FBXL20: variants seen among roughly 807,000 people sequenced by gnomAD.
FBXL20 encodes the protein F-box/LRR-repeat protein 20.
Under a neutral mutation model 64.0 loss-of-function variants are expected in FBXL20, and 11 were observed. The observed-to-expected ratio is 0.17, with a 90% confidence interval of 0.11 to 0.28. FBXL20 has a LOEUF of 0.28. FBXL20 is among the 10% of genes least tolerant of loss of function. FBXL20 has a pLI of 1.00. For synonymous variants in FBXL20, 184 were observed against 189.0 expected (o/e 0.97, Z 0.22); for missense variants, 303 against 526.2 (o/e 0.58, Z 4.15).
intron 2 of FBXL20, among the ~76,000 whole-genome samples, chr17:39,311,371 T>C (rs1451458536): frequency 1.3e-5 from 2 of 152,208 alleles, no homozygotes; most frequent in African/African-American, 4.8e-5. Flanking sequence ...GATTTTTTCT[T>C]ATTTTTCATC....
chr17:39,259,375 A>C lies in FBXL20; in HGVS notation c.*2085T>G, dbSNP rs953671505. 2 of 152,200 alleles carry C rather than the reference A, an allele frequency of 1.3e-5. No individual in the cohort carries two copies. Among genetic ancestry groups the C allele is most frequent in the Non-Finnish European group, 2.9e-5 (2 of 68,040 alleles). 9.4% of individuals were successfully genotyped at this position (152,200 alleles called of 1,614,324 possible). A position where few individuals can be genotyped will look rare whatever the true frequency, so the allele number is the denominator to read the frequency against. The stretch of plus-strand genomic sequence containing the variant: ...CTGGATCATATAGAAGATTAATATT[A>C]TGATGGATTGCACATTAATGTCTCA... On this transcript the variant is annotated 3_prime_UTR_variant, in exon 15 of 15. Transcript: ENST00000264658.
chr17:39,300,851 G>C (rs1322794182), intron 4 of FBXL20, 150 bp downstream of exon 4: 1 of 634,780 alleles, frequency 1.6e-6, no homozygotes. Context: ...AGAAACCCTT[G>C]GTAACTTTGG....
At chr17:39,373,384 C>T (rs1441466458) in intron 1 of FBXL20, among the ~76,000 whole-genome samples, 1 of 152,184 alleles carries the variant, frequency 6.6e-6, no homozygotes, top group Non-Finnish European at 1.5e-5. Flanking sequence ...CTCTCTCCTG[C>T]GTTGAAAAGC....
chr17:39,343,261 G>C lies in FBXL20; in HGVS notation c.43-20C>G, dbSNP rs201061691. On this transcript the variant is annotated intron_variant, in intron 1 of 14. Coordinates refer to ENST00000264658, the MANE Select transcript of FBXL20 (RefSeq NM_032875.3). ...GAACATCTGCAAAAACAAAATCATA[G>C]TGTCAAGTGTTACTTAACATTTTAT... is the stretch of plus-strand genomic sequence containing the variant. 1.3e-5 allele frequency: 20 copies of C among 1,553,962 alleles called. No homozygotes were observed. In the Middle Eastern group the frequency reaches 5.1e-4, roughly 40 times the overall value.
Position 39,372,391 on chromosome 17 carries a change from C to T in FBXL20, c.42+28970G>A, listed in dbSNP as rs552480714. ...GAAATTAGCTGGGCATGGTGACGTG[C>T]GCCTGTAGTCCCAGCTACTTGGGAG... On this transcript the variant is annotated intron_variant, in intron 1 of 14. Coordinates refer to ENST00000264658, the MANE Select transcript of FBXL20 (RefSeq NM_032875.3). Among the ~76,000 whole-genome samples, 7 of 150,878 alleles carry T rather than the reference C, an allele frequency of 4.6e-5. No individual in the cohort carries two copies. The East Asian group carries it at 1.2e-3, about 26-fold the overall frequency.
In FBXL20 at chr17:39,277,171, T is replaced by TA. The variant is rs577617584; in HGVS notation, c.697-2072dup. Among the ~76,000 whole-genome samples the TA allele has an allele frequency of 4.0e-4, 61 of 152,186 alleles. 1 individual carries two copies. In the South Asian group the frequency reaches 0.012, roughly 30 times the overall value. On this transcript the variant is annotated intron_variant, in intron 9 of 14. Transcript: ENST00000264658. ...TCATGTAGCTGACACAAATATAGAT[T>TA]AAAAAAATTGGATGCTAAGGCAGAT...
intron 1 of FBXL20, among the ~76,000 whole-genome samples, chr17:39,364,360 C>T (rs1270954959): frequency 6.6e-6 from 1 of 152,134 alleles, no homozygotes; most frequent in Non-Finnish European, 1.5e-5. Context: ...CGCCTGTAAT[C>T]CCAACAATCT....
intron 2 of FBXL20, among the ~76,000 whole-genome samples, chr17:39,337,057 T>C (rs1012577234): frequency 1.3e-5 from 2 of 151,910 alleles, no homozygotes; most frequent in Non-Finnish European, 1.5e-5. Flanking sequence ...ACTGTACTGC[T>C]GCCATCTCGG....
intron 1 of FBXL20, among the ~76,000 whole-genome samples, chr17:39,349,664 T>C (rs1440090897): frequency 1.3e-5 from 2 of 151,962 alleles, no homozygotes; most frequent in Non-Finnish European, 2.9e-5. Flanking sequence ...AGGCCAGGCG[T>C]AGTGGCTCAC....
intron 1 of FBXL20, among the ~76,000 whole-genome samples, chr17:39,370,773 C>A (rs1250538096): frequency 1.4e-5 from 2 of 143,734 alleles, no homozygotes; most frequent in Non-Finnish European, 3.0e-5. Context: ...CCAGCCTGGG[C>A]GACAGAGCGA....
chr17:39,396,020 T>C (rs1200309637), intron 1 of FBXL20, among the ~76,000 whole-genome samples: 1 of 150,668 alleles, frequency 6.6e-6, no homozygotes, highest in African/African-American at 2.4e-5. Context: ...GTTTTTTTTT[T>C]TTTTTAATTC....
chr17:39,277,872 T>C (rs1399875298), intron 9 of FBXL20, among the ~76,000 whole-genome samples: 1 of 152,020 alleles, frequency 6.6e-6, no homozygotes, highest in East Asian at 1.9e-4. Context: ...GGGCAGAGCA[T>C]GAAATCTCAT....
chr17:39,269,062 T>C (rs953466140), intron 11 of FBXL20, among the ~76,000 whole-genome samples, 191 bp from the exon 12 acceptor site: 1 of 152,114 alleles, frequency 6.6e-6, no homozygotes, highest in Non-Finnish European at 1.5e-5. Context: ...CAGGTTGGAG[T>C]GCAGTGGTGA....
intron 1 of FBXL20, among the ~76,000 whole-genome samples, chr17:39,400,246 G>C (rs1237646742): frequency 6.6e-6 from 1 of 152,120 alleles, no homozygotes; most frequent in African/African-American, 2.4e-5. Flanking sequence ...CTTGATCTTC[G>C]TGGATCAATT....
chr17:39,400,575 C>G (rs1476911406), intron 1 of FBXL20, among the ~76,000 whole-genome samples: 1 of 152,114 alleles, frequency 6.6e-6, no homozygotes, highest in African/African-American at 2.4e-5. Flanking sequence ...TCAGTAGTTA[C>G]AATATTTCAC....
At position 39,384,946 on chromosome 17, in the gene FBXL20, G is replaced by A. The variant is rs1002321341; in HGVS notation, c.42+16415C>T. 3.4e-4 allele frequency among the ~76,000 whole-genome samples: 52 copies of A among 152,026 alleles called. 3 individuals are homozygous for A. Among genetic ancestry groups the A allele is most frequent in the Admixed American group, 6.6e-5 (1 of 15,240 alleles). On this transcript the variant is annotated intron_variant, in intron 1 of 14. Transcript: ENST00000264658. ...CTCCAGCCTGAGAAACAGAGACTCC[G>A]TCTCAACAAAAGATAAATAAATAAA...
intron 2 of FBXL20, among the ~76,000 whole-genome samples, chr17:39,324,187 A>G (rs1456203515): frequency 6.7e-6 from 1 of 150,004 alleles, no homozygotes; most frequent in Admixed American, 6.6e-5. Flanking sequence ...GTATACCTGG[A>G]GTGCTTATTA....
chr17:39,335,757 G>T (rs1334157242), intron 2 of FBXL20, among the ~76,000 whole-genome samples: 1 of 152,120 alleles, frequency 6.6e-6, no homozygotes, highest in Non-Finnish European at 1.5e-5. Context: ...CTTGCTAACT[G>T]AATTTCACAT....
In FBXL20 at chr17:39,294,943, T is replaced by C. The variant is rs77233573; in HGVS notation, c.398+2184A>G. Among the ~76,000 whole-genome samples, 964 of 152,294 alleles carry C rather than the reference T, an allele frequency of 6.3e-3. 32 individuals carry two copies. In the East Asian group the frequency reaches 0.068, roughly 11 times the overall value. ...GAGATTGTGCCACTGCACTCCAACC[T>C]GGGCAACAGGGCAAGACATCGTCTC... is the stretch of plus-strand genomic sequence containing the variant. On this transcript the variant is annotated intron_variant, in intron 6 of 14. Transcript: ENST00000264658.
Sources: gnomAD v4.1 joint callset for allele counts (sites outside exome capture counted in the v4.1 genomes callset) on GRCh38, gnomAD v4.1.1 for gene constraint, MANE v1.5 for transcripts, NCBI Gene and HGNC (gene_info 2026-07-23, HGNC 2026-07-21) for gene names.